Variants in MRC1 observed in about 807,000 individuals in gnomAD.
MRC1 encodes macrophage mannose receptor 1.
A neutral mutation model predicts 102.9 loss-of-function variants in MRC1; 62 were observed. The ratio of observed to expected loss-of-function variants is 0.60; its 90% CI spans 0.49 to 0.74. MRC1 has a LOEUF of 0.74. Ranked by LOEUF, MRC1 falls within the 30% of genes least tolerant of loss-of-function variation. The probability of loss-of-function intolerance (pLI) is 0.00; values close to 1 mark genes in which losing one functional copy is unlikely to be tolerated. For synonymous variants in MRC1, 457 were observed against 298.4 expected (o/e 1.53, Z -5.48); for missense variants, 1,237 against 862.8 (o/e 1.43, Z -5.43).
chr10:17,867,967 A>C (rs1235355450), intron 12 of MRC1, among the ~76,000 whole-genome samples: 3 of 152,190 alleles, frequency 2.0e-5, no homozygotes, highest in Non-Finnish European at 4.4e-5. Flanking sequence ...ATTAAATGAC[A>C]ATTCAATATT....
chr10:17,874,069 T>C (rs1833392213), intron 16 of MRC1, among the ~76,000 whole-genome samples: 1 of 152,200 alleles, frequency 6.6e-6, no homozygotes. Flanking sequence ...CCAGGTTCCT[T>C]CTTCTTTAGC....
chr10:17,870,808 T>C (rs1833344350), intron 13 of MRC1, 40 bp from the exon 14 acceptor site: 14 of 871,070 alleles, frequency 1.6e-5, no homozygotes, highest in Non-Finnish European at 2.4e-5. Flanking sequence ...ACTTGCTTCA[T>C]GCAATAGCAT....
chr10:17,818,857 G>A (rs1838351451), intron 1 of MRC1, among the ~76,000 whole-genome samples: 1 of 152,196 alleles, frequency 6.6e-6, no homozygotes, highest in African/African-American at 2.4e-5. Context: ...AGCATCCCAA[G>A]AAGAGGGAAC....
chr10:17,814,973 C>T (rs1324096630), intron 1 of MRC1, among the ~76,000 whole-genome samples: 5 of 152,028 alleles, frequency 3.3e-5, no homozygotes, highest in Admixed American at 3.3e-4. Flanking sequence ...GCCGGTCCCT[C>T]TTTCTGCACT....
chr10:17,875,395 G>C, intron 17 of MRC1, 142 bp downstream of exon 17: 1 of 677,310 alleles, frequency 1.5e-6, no homozygotes, highest in Non-Finnish European at 2.7e-6. Flanking sequence ...TACTGAATGT[G>C]TAGTCTTTTA....
chr10:17,869,805 TA>T (rs1833329100), intron 12 of MRC1, among the ~76,000 whole-genome samples: 1 of 152,226 alleles, frequency 6.6e-6, no homozygotes, highest in Non-Finnish European at 1.5e-5. Context: ...CTGAACACAC[TA>T]ACAAACTGTG....
intron 5 of MRC1, among the ~76,000 whole-genome samples, chr10:17,844,510 G>A (rs943891079): frequency 7.2e-5 from 11 of 152,090 alleles, no homozygotes; most frequent in Non-Finnish European, 1.3e-4. Context: ...GTGAGCCACC[G>A]TGCCCTGCCC....
chr10:17,893,840 G>T (rs1229705881), intron 22 of MRC1, among the ~76,000 whole-genome samples: 1 of 152,116 alleles, frequency 6.6e-6, no homozygotes, highest in Non-Finnish European at 1.5e-5. Flanking sequence ...TAAAAATATG[G>T]TACCTACTTT....
chr10:17,823,512 T>C, intron 2 of MRC1, 37 bp downstream of exon 2: 1 of 780,222 alleles, frequency 1.3e-6, no homozygotes, highest in South Asian at 1.3e-5. Flanking sequence ...GTGTTGAAAT[T>C]TTCTCGTCTT....
chr10:17,852,065 C>T (rs1838925620), intron 7 of MRC1, among the ~76,000 whole-genome samples: 1 of 152,132 alleles, frequency 6.6e-6, no homozygotes, highest in Admixed American at 6.5e-5. Flanking sequence ...TTTGTGTATT[C>T]TTTAACTTTT....
In MRC1 at chr10:17,898,227, A is replaced by G. The variant is rs1833781938; in HGVS notation, c.3444A>G (p.Thr1148=). Residue 1148 remains threonine, a synonymous_variant, in exon 24 of 30, where the codon ACA becomes ACG. Transcript: ENST00000569591. ...CATTTGCGTGGCTGCAGATGGAAAC[A>G]TCTAATGAACGTGTGTGGATCGCCC... ...SNAFAWLQME[T]SNERVWIALN... is the part of the protein sequence containing the mutation. 2.6e-6 allele frequency: 2 copies of G among 780,756 alleles called. No individual in the cohort carries two copies. Among genetic ancestry groups the G allele is most frequent in the Non-Finnish European group, 4.8e-6 (2 of 417,948 alleles). The allele number at this position is 780,756 out of a possible 1,614,324, so 48.4% of individuals were successfully genotyped here. A position where few individuals can be genotyped will look rare whatever the true frequency, so the allele number is the denominator to read the frequency against.
At chr10:17,882,337 C>T (rs1833531957) in intron 21 of MRC1, among the ~76,000 whole-genome samples, 1 of 151,684 alleles carries the variant, frequency 6.6e-6, no homozygotes, top group Non-Finnish European at 1.5e-5. Context: ...GAGTGATGGT[C>T]ACAGGGAAAT....
At position 17,872,226 on chromosome 10, in the gene MRC1, C is replaced by T. The variant is rs1833364186; in HGVS notation, c.2344+100C>T. Reference sequence around the variant, plus strand: ...TAGCAGAAGCAAACAAACAAAATAACAAAATCAGGAAACTGTCAGTGGCCA... The same window carrying T: ...TAGCAGAAGCAAACAAACAAAATAATAAAATCAGGAAACTGTCAGTGGCCA... On this transcript the variant is annotated intron_variant, in intron 15 of 29. Transcript: ENST00000569591. 3 of 775,246 alleles carry T rather than the reference C, an allele frequency of 3.9e-6. No homozygotes were observed. In the Admixed American group the frequency reaches 5.1e-5, roughly 13 times the overall value. The allele number at this position is 775,246 out of a possible 1,614,324, so 48.0% of individuals were successfully genotyped here.
At chr10:17,900,513 G>A (rs1833815218) in intron 24 of MRC1, among the ~76,000 whole-genome samples, 2 of 152,094 alleles carry the variant, frequency 1.3e-5, no homozygotes, top group East Asian at 3.8e-4. Context: ...GAGTTTCACG[G>A]AATAAGAGAT....
chr10:17,903,820 G>T (rs895706879), intron 26 of MRC1, among the ~76,000 whole-genome samples: 1 of 152,076 alleles, frequency 6.6e-6, no homozygotes, highest in Non-Finnish European at 1.5e-5. Context: ...GCCAAGCATG[G>T]TGGTGGGTGC....
At chr10:17,904,720 G>C (rs1310466202) in intron 26 of MRC1, among the ~76,000 whole-genome samples, 3 of 152,120 alleles carry the variant, frequency 2.0e-5, no homozygotes, top group Non-Finnish European at 4.4e-5. Flanking sequence ...TTCACTTCCT[G>C]CTTGTGTAGT....
rs1838840739 is a variant in MRC1, at chr10:17,847,315, CAT to C, written c.1063+1881_1063+1882del. 8.5e-5 allele frequency among the ~76,000 whole-genome samples: 13 copies of C among 152,264 alleles called. No individual in the cohort carries two copies. The South Asian group carries it at 2.7e-3, about 32-fold the overall frequency. On this transcript the variant is annotated intron_variant, in intron 6 of 29. Transcript: ENST00000569591. ...CTTAACCTGCCGGTGCTGGGATCCTCATGTGTAAAATGGAAATGTTCATGACT... is the reference window on the plus strand; with the variant it reads ...CTTAACCTGCCGGTGCTGGGATCCTCGTGTAAAATGGAAATGTTCATGACT...
chr10:17,901,805 C>A (rs45552543), intron 25 of MRC1, among the ~76,000 whole-genome samples, 168 bp from the exon 26 acceptor site: 7,725 of 151,966 alleles, frequency 0.051, 284 homozygotes, highest in Non-Finnish European at 0.067. Flanking sequence ...AAGTGGAAAA[C>A]ATTGATAAAA....
In MRC1 at chr10:17,861,430, C is replaced by T. The variant is rs1833182757; in HGVS notation, c.1562C>T (p.Thr521Met). ...TTTTACTGCTATATGATTGGACATA[C>T]GCTTTCAACATTTGCAGAAGCAAAC... ...HHFYCYMIGHTLSTFAEANQT... is the reference protein window; with the variant it reads ...HHFYCYMIGHMLSTFAEANQT... The change falls in exon 10 of 30, where the codon ACG becomes ATG. Residue 521 changes from threonine (T) to methionine (M), a missense_variant. Physicochemically the swap from Thr to Met is moderately conservative, Grantham distance 81. Transcript: ENST00000569591. 18 of 872,338 alleles carry T rather than the reference C, an allele frequency of 2.1e-5. No homozygotes were observed. In the Middle Eastern group the frequency reaches 6.5e-4, roughly 31 times the overall value. The allele number at this position is 872,338 out of a possible 1,614,324, so 54.0% of individuals were successfully genotyped here.
Sources: allele counts gnomAD v4.1 joint callset (sites outside exome capture counted in the v4.1 genomes callset), GRCh38; gene constraint gnomAD v4.1.1; transcripts MANE v1.5; gene names NCBI Gene and HGNC (gene_info 2026-07-23, HGNC 2026-07-21).